SNTB2: variants seen among roughly 807,000 people sequenced by gnomAD.
The protein encoded by SNTB2 is beta-2-syntrophin.
A neutral mutation model predicts 46.2 loss-of-function variants in SNTB2; 34 were observed. The ratio of observed to expected loss-of-function variants is 0.74; its 90% CI spans 0.56 to 0.98. SNTB2 has a LOEUF of 0.98. SNTB2 is among the 50% of genes least tolerant of loss of function. The probability of loss-of-function intolerance (pLI) is 0.00; values close to 1 mark genes in which losing one functional copy is unlikely to be tolerated. For missense variants in SNTB2, 603 were observed against 731.4 expected (o/e 0.82, Z 2.02); for synonymous variants, 290 against 312.6 (o/e 0.93, Z 0.76).
intron 1 of SNTB2, among the ~76,000 whole-genome samples, chr16:69,214,162 G>T (rs748197582): frequency 5.0e-5 from 7 of 141,230 alleles, no homozygotes; most frequent in Non-Finnish European, 9.2e-5. Context: ...AGACAGTCTC[G>T]CTCTGTTGCC....
At chr16:69,291,612 G>A (rs539138862) in intron 5 of SNTB2, among the ~76,000 whole-genome samples, 6 of 152,128 alleles carry the variant, frequency 3.9e-5, no homozygotes, top group Admixed American at 6.6e-5. Context: ...GGGAGACTGA[G>A]GCAAGATAAT....
At chr16:69,275,409 T>C (rs1285980237) in intron 4 of SNTB2, among the ~76,000 whole-genome samples, 2 of 152,236 alleles carry the variant, frequency 1.3e-5, no homozygotes, top group Non-Finnish European at 2.9e-5. Flanking sequence ...CAACAGGGAT[T>C]CTTTACTCCT....
At chr16:69,252,511 G>A (rs949152270) in intron 2 of SNTB2, among the ~76,000 whole-genome samples, 1 of 152,210 alleles carries the variant, frequency 6.6e-6, no homozygotes, top group Non-Finnish European at 1.5e-5. Context: ...TTGGTTCACA[G>A]TGCCTCAGTC....
intron 4 of SNTB2, among the ~76,000 whole-genome samples, chr16:69,280,229 A>T (rs1356200919): frequency 2.0e-5 from 3 of 152,252 alleles, no homozygotes; most frequent in Non-Finnish European, 4.4e-5. Flanking sequence ...TTCTTAGTAC[A>T]GAACAAAATG....
rs796187810 is a variant in SNTB2 at position 69,226,562 on chromosome 16, C to T, written c.581-19040C>T. ...TTCTTGCTTTTCTCTGAGACAAGGT[C>T]TCCCACTGTCACACTGGAGTGCGGT... is the stretch of plus-strand genomic sequence containing the variant. On this transcript the variant is annotated intron_variant, in intron 1 of 6. Transcript: ENST00000336278. Among the ~76,000 whole-genome samples, 9 of 152,286 alleles carry T rather than the reference C, an allele frequency of 5.9e-5. 1 individual carries two copies. The highest frequency in any genetic ancestry group is 2.2e-4 in the African/African-American group (9 of 41,560).
intron 2 of SNTB2, among the ~76,000 whole-genome samples, chr16:69,247,465 C>CTA (rs1964681744): frequency 6.6e-6 from 1 of 152,176 alleles, no homozygotes; most frequent in Non-Finnish European, 1.5e-5. Flanking sequence ...CTCCTCTGAT[C>CTA]TTAATGCACA....
intron 5 of SNTB2, among the ~76,000 whole-genome samples, chr16:69,286,551 G>GGCTACAGATGGGCT: frequency 6.6e-6 from 1 of 151,954 alleles, no homozygotes; most frequent in East Asian, 1.9e-4. Context: ...TGGGAGTGGT[G>GGCTACAGATGGGCT]ACACACATCT....
chr16:69,256,006 T>G (rs944456171), intron 2 of SNTB2, among the ~76,000 whole-genome samples: 1 of 151,516 alleles, frequency 6.6e-6, no homozygotes, highest in Admixed American at 6.6e-5. Context: ...GCCAACATAG[T>G]GAAACCCCGT....
At position 69,308,585 on chromosome 16, in the gene SNTB2, T is replaced by C. The variant is rs1390365543; in HGVS notation, c.*7661T>C. 1.3e-5 allele frequency: 2 copies of C among 152,202 alleles called. No homozygotes were observed. Among genetic ancestry groups the C allele is most frequent in the Admixed American group, 1.3e-4 (2 of 15,276 alleles). The allele number at this position is 152,202 out of a possible 1,614,324, so 9.4% of individuals were successfully genotyped here. On this transcript the variant is annotated 3_prime_UTR_variant, in exon 7 of 7. Coordinates refer to ENST00000336278, the MANE Select transcript of SNTB2 (RefSeq NM_006750.4). ...AGATAATGTAGAAAACCACTACCTATTGAAGGCCTGTTTTGGCTAATCTGT... is the reference window on the plus strand; with the variant it reads ...AGATAATGTAGAAAACCACTACCTACTGAAGGCCTGTTTTGGCTAATCTGT...
chr16:69,219,235 CAGTTG>C (rs1964376838), intron 1 of SNTB2, among the ~76,000 whole-genome samples: 1 of 152,086 alleles, frequency 6.6e-6, no homozygotes, highest in African/African-American at 2.4e-5. Flanking sequence ...CATGGAACTA[CAGTTG>C]ATTGATATTA....
chr16:69,201,916 G>T (rs1567395633), intron 1 of SNTB2, among the ~76,000 whole-genome samples: 1 of 152,096 alleles, frequency 6.6e-6, no homozygotes, highest in Non-Finnish European at 1.5e-5. Flanking sequence ...ATATCAGTCT[G>T]CATGTCTGGA....
At chr16:69,251,468 TAA>T (rs71148976) in intron 2 of SNTB2, among the ~76,000 whole-genome samples, 1,906 of 106,098 alleles carry the variant, frequency 0.018, 36 homozygotes, top group African/African-American at 0.058. Context: ...ATGTTTAGTT[TAA>T]AAAAAAAAAA....
chr16:69,188,902 T>TCCCGC (rs1964021148), intron 1 of SNTB2, among the ~76,000 whole-genome samples: 2 of 152,268 alleles, frequency 1.3e-5, no homozygotes, highest in Non-Finnish European at 2.9e-5. Flanking sequence ...GAGGACTTTT[T>TCCCGC]CCCGAAGCTG....
At chr16:69,210,649 G>A (rs564400079) in intron 1 of SNTB2, among the ~76,000 whole-genome samples, 1 of 152,008 alleles carries the variant, frequency 6.6e-6, no homozygotes, top group African/African-American at 2.4e-5. Context: ...AGCCTCCCAG[G>A]TAGCTGAAAC....
rs537230891 is a variant in SNTB2, at chr16:69,267,121, G to A, written c.1006-3022G>A. 7.2e-5 allele frequency among the ~76,000 whole-genome samples: 11 copies of A among 151,792 alleles called. No homozygotes were observed. The East Asian group carries it at 7.7e-4, about 11-fold the overall frequency. Reference sequence around the variant, plus strand: ...CAGCTCACTGCAACCTCTGCCTCCCGGGTTCAAGCGATTCTCCTGCCTCAG... The same window carrying A: ...CAGCTCACTGCAACCTCTGCCTCCCAGGTTCAAGCGATTCTCCTGCCTCAG... On this transcript the variant is annotated intron_variant, in intron 3 of 6. Coordinates refer to ENST00000336278, the MANE Select transcript of SNTB2 (RefSeq NM_006750.4).
rs865774632 is a variant in SNTB2 at position 69,187,454 on chromosome 16, G to T, written c.288G>T (p.Pro96=). 2.6e-6 allele frequency: 3 copies of T among 1,172,796 alleles called. No homozygotes were observed. The highest frequency in any genetic ancestry group is 3.4e-4 in the Middle Eastern group (1 of 2,928). The allele number at this position is 1,172,796 out of a possible 1,614,324, so 72.6% of individuals were successfully genotyped here. ...SPSRGLGPPS[P]PAPPRGPAGE... ...GCCGCGGCCTGGGGCCCCCGAGCCC[G>T]CCGGCGCCGCCTCGGGGCCCCGCGG... The change falls in exon 1 of 7, where the codon CCG becomes CCT. Residue 96 remains proline (P), a synonymous_variant. Coordinates refer to ENST00000336278, the MANE Select transcript of SNTB2 (RefSeq NM_006750.4).
chr16:69,299,882 C>A, intron 6 of SNTB2, 108 bp downstream of exon 6: 1 of 1,226,290 alleles, frequency 8.2e-7, no homozygotes, highest in Non-Finnish European at 1.1e-6. Context: ...CATTTAGAAC[C>A]ATGAAATTTT....
intron 1 of SNTB2, among the ~76,000 whole-genome samples, chr16:69,207,816 G>GA (rs1214379138): frequency 6.6e-6 from 1 of 151,118 alleles, no homozygotes; most frequent in Non-Finnish European, 1.5e-5. Flanking sequence ...ATGTAAAAAT[G>GA]AAAAAAATAG....
At chr16:69,238,869 T>C (rs1964582661) in intron 1 of SNTB2, among the ~76,000 whole-genome samples, 1 of 152,174 alleles carries the variant, frequency 6.6e-6, no homozygotes, top group Admixed American at 6.5e-5. Context: ...TGGCCTTCTT[T>C]TATTCTATTT....
Sources: gnomAD v4.1 joint callset for allele counts (sites outside exome capture counted in the v4.1 genomes callset) on GRCh38, gnomAD v4.1.1 for gene constraint, MANE v1.5 for transcripts, NCBI Gene and HGNC (gene_info 2026-07-23, HGNC 2026-07-21) for gene names.